TANC2: variants seen among roughly 807,000 people sequenced by gnomAD.
TANC2 encodes protein TANC2.
A neutral mutation model predicts 210.5 loss-of-function variants in TANC2; 26 were observed. The observed-to-expected ratio is 0.12, with a 90% CI of 0.09 to 0.17. The LOEUF is 0.17. Among genes scored for constraint, TANC2 ranks in the 10% least tolerant of loss-of-function variants. The pLI, the probability that TANC2 is intolerant of heterozygous loss-of-function variation, is 1.00. For synonymous variants in TANC2, 931 were observed against 967.1 expected, an observed-to-expected ratio of 0.96 and a Z score of 0.69; for missense variants, 2,129 against 2,608.9, an observed-to-expected ratio of 0.82 and a Z score of 4.01.
At chr17:63,123,373 C>T (rs907415436) in intron 4 of TANC2, among the ~76,000 whole-genome samples, 6 of 151,790 alleles carry the variant, frequency 4.0e-5, no homozygotes, top group African/African-American at 1.4e-4. Flanking sequence ...CTGGCTGGCG[C>T]AGTGGAATCC....
At chr17:63,003,200 G>T (rs994839782) in intron 1 of TANC2, among the ~76,000 whole-genome samples, 2 of 152,084 alleles carry the variant, frequency 1.3e-5, no homozygotes, top group Non-Finnish European at 2.9e-5. Context: ...TTGTATTTCT[G>T]CAATGACATA....
exon 28 of TANC2, chr17:63,423,476 A>G (rs2049073022): frequency 6.6e-6 from 1 of 152,180 alleles, no homozygotes; most frequent in Non-Finnish European, 1.5e-5. Flanking sequence ...AAACAACTCA[A>G]CTAAGCAACT....
chr17:63,223,878 G>A (rs2042260609), intron 7 of TANC2, among the ~76,000 whole-genome samples: 1 of 152,038 alleles, frequency 6.6e-6, no homozygotes, highest in African/African-American at 2.4e-5. Flanking sequence ...ACTTTAAAGT[G>A]GGTAGCTTTA....
At chr17:63,284,742 A>G (rs537686148) in intron 9 of TANC2, among the ~76,000 whole-genome samples, 3 of 152,260 alleles carry the variant, frequency 2.0e-5, no homozygotes, top group African/African-American at 7.2e-5. Flanking sequence ...TTCTATAAAT[A>G]TCAAATAGGT....
chr17:63,387,040 G>A (rs1425597096), intron 15 of TANC2, among the ~76,000 whole-genome samples: 1 of 151,880 alleles, frequency 6.6e-6, no homozygotes, highest in Non-Finnish European at 1.5e-5. Flanking sequence ...TTTTTGTAAA[G>A]ATGTAGTCTC....
chr17:63,384,482 A>G (rs1022192929), intron 15 of TANC2, among the ~76,000 whole-genome samples: 10 of 152,104 alleles, frequency 6.6e-5, no homozygotes, highest in Non-Finnish European at 1.0e-4. Context: ...ACATATATAT[A>G]TTTGGGGTTA....
At position 63,106,461 on chromosome 17, in the gene TANC2, C is replaced by T. The variant is rs375274877; in HGVS notation, c.322+7104C>T. ...AGCTTCAAGAGTAAGGGGATTATTG[C>T]CGAACCAACTAAACAGTGCCTTGCT... On this transcript the variant is annotated intron_variant, in intron 4 of 27. Transcript: ENST00000689528. Among the ~76,000 whole-genome samples the T allele has an allele frequency of 1.1e-4, 17 of 151,608 alleles. 1 individual carries two copies. Among genetic ancestry groups the T allele is most frequent in the African/African-American group, 4.2e-4 (17 of 40,940 alleles).
chr17:63,174,147 G>C (rs1478791416), intron 5 of TANC2, among the ~76,000 whole-genome samples: 1 of 152,234 alleles, frequency 6.6e-6, no homozygotes, highest in Non-Finnish European at 1.5e-5. Flanking sequence ...TAATGTCTTA[G>C]TGATGCATAA....
chr17:63,255,229 C>T (rs1414723627), intron 8 of TANC2, among the ~76,000 whole-genome samples: 5 of 151,790 alleles, frequency 3.3e-5, no homozygotes, highest in Non-Finnish European at 5.9e-5. Context: ...CTCAGCCTCC[C>T]GAGCAGCTAG....
chr17:63,349,449 T>C (rs976182343), intron 12 of TANC2, among the ~76,000 whole-genome samples: 5 of 152,154 alleles, frequency 3.3e-5, no homozygotes, highest in African/African-American at 1.2e-4. Flanking sequence ...AGGAACCTGG[T>C]TGAAGTTATT....
intron 2 of TANC2, among the ~76,000 whole-genome samples, chr17:63,052,693 T>C (rs1355524027): frequency 7.2e-5 from 11 of 152,114 alleles, no homozygotes; most frequent in Admixed American, 5.9e-4. Flanking sequence ...AGGGGCTCCA[T>C]TGATCTTTTC....
intron 2 of TANC2, among the ~76,000 whole-genome samples, chr17:63,014,173 G>T: frequency 1.3e-5 from 2 of 149,150 alleles, no homozygotes; most frequent in African/African-American, 2.5e-5. Flanking sequence ...TTCAATTATT[G>T]AATTTTTCAA....
chr17:63,017,040 C>G (rs2034139518), intron 2 of TANC2, among the ~76,000 whole-genome samples: 1 of 152,106 alleles, frequency 6.6e-6, no homozygotes, highest in African/African-American at 2.4e-5. Context: ...CCTATGTTTT[C>G]TTCTAAGAGT....
intron 9 of TANC2, among the ~76,000 whole-genome samples, chr17:63,301,047 T>G (rs1419450490): frequency 1.3e-5 from 2 of 152,228 alleles, no homozygotes; most frequent in African/African-American, 4.8e-5. Context: ...ATGTGGTTTT[T>G]GTCATTGGTT....
chr17:63,123,652 A>G (rs943947615), intron 4 of TANC2, among the ~76,000 whole-genome samples: 17 of 148,106 alleles, frequency 1.1e-4, no homozygotes, highest in Non-Finnish European at 1.6e-4. Flanking sequence ...ACCCGTAGAG[A>G]GTATAGTTAA....
rs1256732461 is a variant in TANC2, at chr17:63,421,026, A to C, written c.5296A>C (p.Ser1766Arg). ...GGTGCAGCATGTCCAAGCCAGCCTGAGTGCAGGCGCCATCTGTCAGCATGG... is the reference window on the plus strand; with the variant it reads ...GGTGCAGCATGTCCAAGCCAGCCTGCGTGCAGGCGCCATCTGTCAGCATGG... The change falls in exon 28 of 28, where the codon AGT becomes CGT. Residue 1766 changes from serine (S) to arginine (R), a missense_variant. Physicochemically the swap from Ser to Arg is moderately radical, Grantham distance 110 (BLOSUM62 -1). Coordinates refer to ENST00000689528, the Ensembl canonical transcript of TANC2. The surrounding 1 kb of genome is among the most constrained non-coding windows in gnomAD (Gnocchi z 6.9). 2 of 1,613,882 alleles carry C rather than the reference A, an allele frequency of 1.2e-6. No individual in the cohort carries two copies. The highest frequency in any genetic ancestry group is 1.7e-6 in the Non-Finnish European group (2 of 1,179,896).
At chr17:63,092,372 C>T (rs1207054682) in intron 3 of TANC2, among the ~76,000 whole-genome samples, 2 of 151,474 alleles carry the variant, frequency 1.3e-5, no homozygotes, top group South Asian at 2.1e-4. Flanking sequence ...TGTCAGCACT[C>T]GGTTTTGCTG....
chr17:63,364,241 A>G (rs753669639), intron 14 of TANC2, among the ~76,000 whole-genome samples: 6 of 152,220 alleles, frequency 3.9e-5, no homozygotes, highest in African/African-American at 1.4e-4. Flanking sequence ...TAGCTTTACA[A>G]GTTTGTTTTG....
At chr17:63,323,571 G>A (rs2045560572) in intron 11 of TANC2, among the ~76,000 whole-genome samples, 1 of 152,126 alleles carries the variant, frequency 6.6e-6, no homozygotes, top group African/African-American at 2.4e-5. Context: ...TTGTGCCCCT[G>A]TGGTAATACA....
Sources: gnomAD v4.1 joint callset for allele counts (sites outside exome capture counted in the v4.1 genomes callset) on GRCh38, gnomAD v4.1.1 for gene constraint, Gnocchi (gnomAD v3.1) non-coding constraint, MANE v1.5 for transcripts, NCBI Gene and HGNC (gene_info 2026-07-23, HGNC 2026-07-21) for gene names.